FURIN: variants seen among roughly 807,000 people sequenced by gnomAD.
The protein encoded by FURIN is FES upstream region.
In FURIN, 18 loss-of-function variants were observed where a neutral mutation model predicts 89.2. That is an observed-to-expected ratio of 0.20 (90% CI 0.14 to 0.30). FURIN has a LOEUF of 0.30. Ranked by LOEUF, FURIN falls within the 10% of genes least tolerant of loss-of-function variation. FURIN has a pLI of 1.00. For missense variants in FURIN, 879 were observed against 1,100.5 expected (o/e 0.80, Z 2.85); for synonymous variants, 508 against 466.4 (o/e 1.09, Z -1.15).
Position 90,876,491 on chromosome 15 carries a change from G to A in FURIN, c.306G>A (p.Lys102=). 6.2e-7 allele frequency: 1 copy of A among 1,613,974 alleles called. No homozygotes were observed. The highest frequency in any genetic ancestry group is 8.5e-7 in the Non-Finnish European group (1 of 1,179,922). ...AGTGGCTGGAACAGCAGGTGGCAAA[G>A]CGACGGACTAAACGGGACGTGTACC... ...QVQWLEQQVA[K]RRTKRDVYQE... is the part of the protein sequence containing the mutation. Residue 102 remains lysine (K), a synonymous_variant, in exon 4 of 16, where the codon AAG becomes AAA. Coordinates refer to ENST00000268171, the MANE Select transcript of FURIN (RefSeq NM_002569.4). This position sits in a 1 kb window ranked among gnomAD's most constrained non-coding sequence, Gnocchi z 5.0.
intron 7 of FURIN, 125 bp downstream of exon 7, chr15:90,877,740 C>A: frequency 1.4e-6 from 1 of 708,668 alleles, no homozygotes; most frequent in Non-Finnish European, 2.3e-6. Flanking sequence ...CGTGGCTGTT[C>A]CATGGAGGGT....
In FURIN at chr15:90,880,203, A is replaced by G; in HGVS notation, c.1486A>G (p.Asn496Asp). 1.9e-6 allele frequency: 3 copies of G among 1,612,698 alleles called. No homozygotes were observed. The highest frequency in any genetic ancestry group is 1.7e-4 in the Middle Eastern group (1 of 6,044). ...TCAGGCGCGGCTCACCCTGTCCTAT[A>G]ATCGCCGTGGCGACCTGGCCATCCA... ...HAQARLTLSYNRRGDLAIHLV... is the reference protein window; with the variant it reads ...HAQARLTLSYDRRGDLAIHLV... The change falls in exon 13 of 16, where the codon AAT becomes GAT. Residue 496 changes from asparagine to aspartate, a missense_variant. Coordinates refer to ENST00000268171, the MANE Select transcript of FURIN (RefSeq NM_002569.4).
intron 13 of FURIN, 111 bp from the exon 14 acceptor site, chr15:90,880,580 A>C: frequency 8.2e-7 from 1 of 1,221,618 alleles, no homozygotes; most frequent in Non-Finnish European, 1.1e-6. Flanking sequence ...TTCTGGCCCC[A>C]TGGGGTTGGT....
At position 90,876,382 on chromosome 15, in the gene FURIN, G is replaced by A. The variant is rs1309498159; in HGVS notation, c.276+29G>A. On this transcript the variant is annotated intron_variant, in intron 3 of 15. Transcript: ENST00000268171. This position sits in a 1 kb window ranked among gnomAD's most constrained non-coding sequence, Gnocchi z 5.0. ...AGTGTGGCCCCAGCCCCCTCCTGCT[G>A]CCACCCTCCCCCTCCTGCTCTCAGG... The A allele has an allele frequency of 6.5e-7, 1 of 1,538,994 alleles. No individual in the cohort carries two copies. Among genetic ancestry groups the A allele is most frequent in the Non-Finnish European group, 9.0e-7 (1 of 1,112,138 alleles).
rs1027973968 is a variant in FURIN at position 90,880,994 on chromosome 15, A to G, written c.1746A>G (p.Pro582=). The G allele has an allele frequency of 1.2e-6, 2 of 1,614,004 alleles. No individual in the cohort carries two copies. Among genetic ancestry groups the G allele is most frequent in the African/African-American group, 2.7e-5 (2 of 74,922 alleles). The stretch of plus-strand genomic sequence containing the variant: ...CCCCTGAGGGGCTGCCCGTACCTCC[A>G]GAAAGCAGTGGCTGCAAGACCCTCA... ...GTAPEGLPVP[P]ESSGCKTLTS... is the part of the protein sequence containing the mutation. Residue 582 remains proline (P), a synonymous_variant, in exon 15 of 16, where the codon CCA becomes CCG. Coordinates refer to ENST00000268171, the MANE Select transcript of FURIN (RefSeq NM_002569.4).
chr15:90,879,602 C>T, intron 10 of FURIN, 58 bp downstream of exon 10: 1 of 1,559,390 alleles, frequency 6.4e-7, no homozygotes, highest in Non-Finnish European at 8.8e-7. Context: ...TGTAGGGCAG[C>T]CCTTAGGGCA....
chr15:90,876,702 C>T lies in FURIN; in HGVS notation c.372+145C>T, dbSNP rs1326359791. On this transcript the variant is annotated intron_variant, in intron 4 of 15. Coordinates refer to ENST00000268171, the MANE Select transcript of FURIN (RefSeq NM_002569.4). This position sits in a 1 kb window ranked among gnomAD's most constrained non-coding sequence, Gnocchi z 5.0. ...CTGGGCAGTCTCTCCTTGGCCCATC[C>T]TAATAAGCAAGCCTGGGGGTGGCCC... 1.2e-5 allele frequency: 10 copies of T among 818,912 alleles called. No individual in the cohort carries two copies. Among genetic ancestry groups the T allele is most frequent in the Non-Finnish European group, 2.0e-5 (10 of 497,816 alleles). The allele number at this position is 818,912 out of a possible 1,614,324, so 50.7% of individuals were successfully genotyped here.
Position 90,881,693 on chromosome 15 carries a change from C to T in FURIN, c.2200C>T (p.Leu734=). 6.3e-7 allele frequency: 1 copy of T among 1,590,198 alleles called. No homozygotes were observed. Among genetic ancestry groups the T allele is most frequent in the Non-Finnish European group, 8.6e-7 (1 of 1,166,552 alleles). The change falls in exon 16 of 16, where the codon CTG becomes TTG. Residue 734 remains leucine (L), a synonymous_variant. Coordinates refer to ENST00000268171, the MANE Select transcript of FURIN (RefSeq NM_002569.4). This position sits in a 1 kb window ranked among gnomAD's most constrained non-coding sequence, Gnocchi z 4.3. ...CGTGCTGGTCTTCGTCACTGTCTTC[C>T]TGGTCCTGCAGCTGCGCTCTGGCTT... The part of the protein sequence containing the change: ...FIVLVFVTVF[L]VLQLRSGFSF...
Position 90,879,485 on chromosome 15 carries a change from G to T in FURIN, c.1095G>T (p.Thr365=), listed in dbSNP as rs757869832. Residue 365 remains threonine, a synonymous_variant, in exon 10 of 16, where the codon ACG becomes ACT. Transcript: ENST00000268171. Reference sequence around the variant, plus strand: ...GGCAGAAGTGCACGGAGTCTCACACGGGCACCTCAGCCTCTGCCCCCTTAG... The same window carrying T: ...GGCAGAAGTGCACGGAGTCTCACACTGGCACCTCAGCCTCTGCCCCCTTAG... ...DLRQKCTESH[T]GTSASAPLAA... The T allele has an allele frequency of 6.2e-7, 1 of 1,613,564 alleles. No homozygotes were observed. Among genetic ancestry groups the T allele is most frequent in the Non-Finnish European group, 8.5e-7 (1 of 1,179,746 alleles).
In FURIN at chr15:90,874,388, G is replaced by A. The variant is rs568687570; in HGVS notation, c.-159-1194G>A. The stretch of plus-strand genomic sequence containing the variant: ...TGGAGCAAGCAAGGGGGCAGCTGGG[G>A]GCCTCCAGGCCCAGGCAGGGCAGGG... On this transcript the variant is annotated intron_variant, in intron 1 of 15. Transcript: ENST00000268171. 2.6e-5 allele frequency among the ~76,000 whole-genome samples: 4 copies of A among 152,354 alleles called. No homozygotes were observed. The East Asian group carries it at 7.7e-4, about 29-fold the overall frequency.
intron 1 of FURIN, among the ~76,000 whole-genome samples, chr15:90,873,755 C>A (rs1382336282): frequency 1.3e-5 from 2 of 152,134 alleles, no homozygotes; most frequent in African/African-American, 4.8e-5. Context: ...CGAGGCCTGC[C>A]CTGGAAGTCC....
intron 1 of FURIN, among the ~76,000 whole-genome samples, chr15:90,871,988 C>T (rs2031333786): frequency 6.6e-6 from 1 of 151,370 alleles, no homozygotes; most frequent in Admixed American, 6.6e-5. Flanking sequence ...GGGGCCCCTG[C>T]TGGGGGCGGG....
In FURIN at chr15:90,881,988, A is replaced by G; in HGVS notation, c.*110A>G. 1 of 795,842 alleles carries G rather than the reference A, an allele frequency of 1.3e-6. No individual in the cohort carries two copies. The highest frequency in any genetic ancestry group is 2.5e-5 in the Admixed American group (1 of 39,340). 49.3% of individuals were successfully genotyped at this position (795,842 alleles called of 1,614,324 possible). On this transcript the variant is annotated 3_prime_UTR_variant, in exon 16 of 16. Transcript: ENST00000268171. This position sits in a 1 kb window ranked among gnomAD's most constrained non-coding sequence, Gnocchi z 4.3. ...GTTTGGACCCCAGCTGGGAGGCAAGAGGGGTGGAGACTGCTTCCCATCCTA... is the reference window on the plus strand; with the variant it reads ...GTTTGGACCCCAGCTGGGAGGCAAGGGGGGTGGAGACTGCTTCCCATCCTA...
rs1018855341 is a variant in FURIN, at chr15:90,881,585, G to A, written c.2092G>A (p.Val698Met). 2 of 1,609,410 alleles carry A rather than the reference G, an allele frequency of 1.2e-6. No homozygotes were observed. Residue 698 changes from valine to methionine, a missense_variant, in exon 16 of 16, where the codon GTG becomes ATG. This residue lies in a region of FURIN where 457 missense variants were observed against 490.7 expected (regional missense o/e 0.93). Transcript: ENST00000268171. The surrounding 1 kb of genome is among the most constrained non-coding windows in gnomAD (Gnocchi z 4.3). ...QQQPPRLPPEVEAGQRLRAGL... is the reference protein window; with the variant it reads ...QQQPPRLPPEMEAGQRLRAGL... ...GCAGCCACCTCGGCTGCCCCCGGAG[G>A]TGGAGGCGGGGCAACGGCTGCGGGC...
At position 90,876,181 on chromosome 15, in the gene FURIN, T is replaced by C; in HGVS notation, c.178-74T>C. ...CGTGGCGAGCCTCCCATGAAGCCGT[T>C]GTCCACCCCCGTCCCCCGCCTCCCG... On this transcript the variant is annotated intron_variant, in intron 2 of 15. Transcript: ENST00000268171. This position sits in a 1 kb window ranked among gnomAD's most constrained non-coding sequence, Gnocchi z 5.0. 1 of 1,041,058 alleles carries C rather than the reference T, an allele frequency of 9.6e-7. No individual in the cohort carries two copies. The highest frequency in any genetic ancestry group is 1.7e-5 in the Admixed American group (1 of 57,468). The allele number at this position is 1,041,058 out of a possible 1,614,324, so 64.5% of individuals were successfully genotyped here. A position where few individuals can be genotyped will look rare whatever the true frequency, so the allele number is the denominator to read the frequency against.
Position 90,881,677 on chromosome 15 carries a change from C to G in FURIN, c.2184C>G (p.Val728=). The change falls in exon 16 of 16, where the codon GTC becomes GTG. Residue 728 remains valine, a synonymous_variant. Coordinates refer to ENST00000268171, the MANE Select transcript of FURIN (RefSeq NM_002569.4). This position sits in a 1 kb window ranked among gnomAD's most constrained non-coding sequence, Gnocchi z 4.3. ...TCAGCTGCGCCTTCATCGTGCTGGT[C>G]TTCGTCACTGTCTTCCTGGTCCTGC... ...AGLSCAFIVL[V]FVTVFLVLQL... 1 of 1,587,388 alleles carries G rather than the reference C, an allele frequency of 6.3e-7. No individual in the cohort carries two copies.
Position 90,880,799 on chromosome 15 carries a change from C to G in FURIN, c.1665C>G (p.Ser555Arg), listed in dbSNP as rs142489043. The G allele has an allele frequency of 6.2e-7, 1 of 1,613,474 alleles. No individual in the cohort carries two copies. Among genetic ancestry groups the G allele is most frequent in the Non-Finnish European group, 8.5e-7 (1 of 1,179,688 alleles). ...GGGTCCTAGAGATTGAAAACACCAG[C>G]GAAGCCAACAACTATGGTACTGGGG... ...GEWVLEIENTSEANNYGTLTK... is the reference protein window; with the variant it reads ...GEWVLEIENTREANNYGTLTK... The change falls in exon 14 of 16, where the codon AGC (serine) becomes AGG (arginine). Residue 555 changes from serine (S) to arginine (R), a missense_variant. Transcript: ENST00000268171.
At chr15:90,874,139 C>T (rs1184345640) in intron 1 of FURIN, among the ~76,000 whole-genome samples, 1 of 152,250 alleles carries the variant, frequency 6.6e-6, no homozygotes, top group East Asian at 1.9e-4. Flanking sequence ...TGGGACCTCC[C>T]CTAGCTTCCC....
chr15:90,882,428 G>A lies in FURIN; in HGVS notation c.*550G>A, dbSNP rs2151230528. Reference sequence around the variant, plus strand: ...GTGCCTCCAGGTGTGCACGTGGCATGTGGCCTGTGGCCTGTGTCCCATGAC... The same window carrying A: ...GTGCCTCCAGGTGTGCACGTGGCATATGGCCTGTGGCCTGTGTCCCATGAC... On this transcript the variant is annotated 3_prime_UTR_variant, in exon 16 of 16. Transcript: ENST00000268171. 1 of 158,138 alleles carries A rather than the reference G, an allele frequency of 6.3e-6. No individual in the cohort carries two copies. Among genetic ancestry groups the A allele is most frequent in the African/African-American group, 2.4e-5 (1 of 41,612 alleles). 9.8% of individuals were successfully genotyped at this position (158,138 alleles called of 1,614,324 possible).
Sources: gnomAD v4.1 joint callset for allele counts (sites outside exome capture counted in the v4.1 genomes callset) on GRCh38, gnomAD v4.1.1 for gene constraint, gnomAD v4.1.1 regional missense constraint, Gnocchi (gnomAD v3.1) non-coding constraint, MANE v1.5 for transcripts, NCBI Gene and HGNC (gene_info 2026-07-23, HGNC 2026-07-21) for gene names.